The following MFHAS1 variants were observed in gnomAD, a reference collection of about 807,000 sequenced individuals.
MFHAS1 encodes the protein multifunctional ROCO family signaling regulator 1.
Under a neutral mutation model 70.4 loss-of-function variants are expected in MFHAS1, and 50 were observed. That is an observed-to-expected ratio of 0.71 (90% CI 0.57 to 0.90). The LOEUF is 0.90. MFHAS1 is among the 40% of genes least tolerant of loss of function. The pLI, the probability that MFHAS1 is intolerant of heterozygous loss-of-function variation, is 0.00. For synonymous variants in MFHAS1, 952 were observed against 620.0 expected, an observed-to-expected ratio of 1.54 and a Z score of -7.96; for missense variants, 1,795 against 1,347.6, an observed-to-expected ratio of 1.33 and a Z score of -5.20.
At chr8:8,809,427 T>A (rs1806463545) in intron 1 of MFHAS1, among the ~76,000 whole-genome samples, 1 of 151,924 alleles carries the variant, frequency 6.6e-6, no homozygotes, top group African/African-American at 2.4e-5. Context: ...AGTATGTCCT[T>A]AAGAAAATGT....
intron 1 of MFHAS1, among the ~76,000 whole-genome samples, chr8:8,867,685 G>T (rs953287474): frequency 6.6e-6 from 1 of 151,698 alleles, no homozygotes; most frequent in Non-Finnish European, 1.5e-5. Context: ...AGCCTCCCAA[G>T]TAGCTGGGAC....
At chr8:8,816,787 G>A (rs984905296) in intron 1 of MFHAS1, among the ~76,000 whole-genome samples, 1 of 152,138 alleles carries the variant, frequency 6.6e-6, no homozygotes, top group Non-Finnish European at 1.5e-5. Flanking sequence ...AACTTTGAAG[G>A]AGTAGCAATA....
chr8:8,890,388 G>T lies in MFHAS1; in HGVS notation c.2671C>A (p.Pro891Thr), dbSNP rs1240557494. ...CTGTAGCGTGCAAACAACCCAAGTG[G>T]AAAAGTAAAAGGAAAGCTATATTCA... ...QIEYSFPFTF[P>T]LGLFARYSVQ... is the part of the protein sequence containing the mutation. The change falls in exon 1 of 3, where the codon CCA (proline) becomes ACA (threonine). Residue 891 changes from proline (P) to threonine (T), a missense_variant. Physicochemically the swap from Pro to Thr is conservative, Grantham distance 38. Coordinates refer to ENST00000276282, the MANE Select transcript of MFHAS1 (RefSeq NM_004225.3). 2 of 1,614,108 alleles carry T rather than the reference G, an allele frequency of 1.2e-6. No homozygotes were observed. The highest frequency in any genetic ancestry group is 1.7e-6 in the Non-Finnish European group (2 of 1,180,046).
At chr8:8,887,943 T>C (rs1240736062) in intron 1 of MFHAS1, among the ~76,000 whole-genome samples, 1 of 152,088 alleles carries the variant, frequency 6.6e-6, no homozygotes, top group Non-Finnish European at 1.5e-5. Flanking sequence ...ATAACCTATG[T>C]CTCTCCTTTT....
Position 8,893,069 on chromosome 8 carries a change from C to A in MFHAS1, c.-11G>T, listed in dbSNP as rs1353672712. The A allele has an allele frequency of 1.8e-5, 26 of 1,473,638 alleles. No individual in the cohort carries two copies. Among genetic ancestry groups the A allele is most frequent in the East Asian group, 2.9e-5 (1 of 34,298 alleles). 91.3% of individuals were successfully genotyped at this position (1,473,638 alleles called of 1,614,324 possible). ...GTCCATCCCAGCCATGGCGGGGCCC[C>A]GGGCCGACAGCCTCACGCGGACGCG... On this transcript the variant is annotated 5_prime_UTR_variant, in exon 1 of 3. Coordinates refer to ENST00000276282, the MANE Select transcript of MFHAS1 (RefSeq NM_004225.3).
chr8:8,881,095 C>T lies in MFHAS1; in HGVS notation c.2998+8966G>A, dbSNP rs145042923. 4.2e-3 allele frequency among the ~76,000 whole-genome samples: 644 copies of T among 152,278 alleles called. 7 individuals are homozygous for T. The highest frequency in any genetic ancestry group is 0.015 in the African/African-American group (628 of 41,552). ...CTCTGCCCACATTCTTCTCCTGCTCCAACGTGCACTTTTTAGACTCTTTGC... is the reference window on the plus strand; with the variant it reads ...CTCTGCCCACATTCTTCTCCTGCTCTAACGTGCACTTTTTAGACTCTTTGC... On this transcript the variant is annotated intron_variant, in intron 1 of 2. Coordinates refer to ENST00000276282, the MANE Select transcript of MFHAS1 (RefSeq NM_004225.3).
At chr8:8,791,125 GTTT>G (rs34714915) in intron 2 of MFHAS1, among the ~76,000 whole-genome samples, 238 of 132,638 alleles carry the variant, frequency 1.8e-3, no homozygotes, top group African/African-American at 5.7e-3. Context: ...CACCCCACCC[GTTT>G]TTTTTTTTTT....
intron 1 of MFHAS1, among the ~76,000 whole-genome samples, chr8:8,820,244 T>C (rs1806903266): frequency 1.3e-5 from 2 of 151,500 alleles, no homozygotes; most frequent in Admixed American, 1.3e-4. Context: ...ACTGCTATGC[T>C]CCCCCTTCCC....
chr8:8,806,109 C>T (rs1218403415), intron 1 of MFHAS1, among the ~76,000 whole-genome samples: 1 of 152,238 alleles, frequency 6.6e-6, no homozygotes, highest in Non-Finnish European at 1.5e-5. Flanking sequence ...TGCAATTCCT[C>T]TTCCTCCTGC....
chr8:8,848,710 C>T (rs1473124081), intron 1 of MFHAS1, among the ~76,000 whole-genome samples: 3 of 152,090 alleles, frequency 2.0e-5, no homozygotes, highest in Non-Finnish European at 4.4e-5. Context: ...GATTTTGGTC[C>T]TTACATTAGG....
rs769443577 is a variant in MFHAS1, at chr8:8,890,306, G to A, written c.2753C>T (p.Ala918Val). The A allele has an allele frequency of 6.2e-7, 1 of 1,614,062 alleles. No homozygotes were observed. Among genetic ancestry groups the A allele is most frequent in the African/African-American group, 1.3e-5 (1 of 74,926 alleles). ...AACCACAGGAACTTTCCCTCTATAG[G>A]CAAAGATCTGAAATTTACCATCCGA... is the stretch of plus-strand genomic sequence containing the variant. Reference protein sequence around the residue: ...HRSDGKFQIFAYRGKVPVVVS... With the variant: ...HRSDGKFQIFVYRGKVPVVVS... Residue 918 changes from alanine (A) to valine (V), a missense_variant, in exon 1 of 3, where the codon GCC becomes GTC. Coordinates refer to ENST00000276282, the MANE Select transcript of MFHAS1 (RefSeq NM_004225.3).
chr8:8,822,841 A>G (rs897243289), intron 1 of MFHAS1, among the ~76,000 whole-genome samples: 4 of 146,058 alleles, frequency 2.7e-5, no homozygotes, highest in Non-Finnish European at 4.5e-5. Flanking sequence ...ACACAGGGAC[A>G]GGAACCAAGT....
intron 1 of MFHAS1, among the ~76,000 whole-genome samples, chr8:8,857,426 T>C (rs184263894): frequency 5.4e-4 from 82 of 152,246 alleles, no homozygotes; most frequent in Non-Finnish European, 1.1e-3. Flanking sequence ...CTTTCTTTTT[T>C]CCTCCATTCA....
intron 1 of MFHAS1, among the ~76,000 whole-genome samples, chr8:8,833,893 A>G (rs1304643179): frequency 6.6e-6 from 1 of 152,202 alleles, no homozygotes; most frequent in Non-Finnish European, 1.5e-5. Flanking sequence ...TGGGAAGCTG[A>G]GGTGGGCGGA....
intron 1 of MFHAS1, among the ~76,000 whole-genome samples, chr8:8,812,513 T>G (rs1806586738): frequency 6.6e-6 from 1 of 152,150 alleles, no homozygotes; most frequent in African/African-American, 2.4e-5. Context: ...AGGGCTTGCC[T>G]CCTTCATTTC....
chr8:8,870,808 C>G (rs1181956992), intron 1 of MFHAS1, among the ~76,000 whole-genome samples: 1 of 152,256 alleles, frequency 6.6e-6, no homozygotes, highest in Non-Finnish European at 1.5e-5. Flanking sequence ...TGCTCCCCTC[C>G]CATGCCCCAT....
At chr8:8,866,620 T>G (rs1808868152) in intron 1 of MFHAS1, among the ~76,000 whole-genome samples, 1 of 152,156 alleles carries the variant, frequency 6.6e-6, no homozygotes, top group African/African-American at 2.4e-5. Flanking sequence ...AGTCAGCCAG[T>G]AAGGATCACT....
In MFHAS1 at chr8:8,893,030, T is replaced by C; in HGVS notation, c.29A>G (p.Lys10Arg). The C allele has an allele frequency of 6.5e-7, 1 of 1,533,422 alleles. No individual in the cohort carries two copies. The allele number at this position is 1,533,422 out of a possible 1,614,324, so 95.0% of individuals were successfully genotyped here. A position where few individuals can be genotyped will look rare whatever the true frequency, so the allele number is the denominator to read the frequency against. The change falls in exon 1 of 3, where the codon AAG (lysine) becomes AGG (arginine). Residue 10 changes from lysine (K) to arginine (R), a missense_variant. Transcript: ENST00000276282. Reference protein sequence around the residue: MAGMDSGNLKTARLWRDAAL... With the variant: MAGMDSGNLRTARLWRDAAL... ...GGCGTCCCGCCACAGCCTCGCGGTCTTCAGGTTGCCACTGTCCATCCCAGC... is the reference window on the plus strand; with the variant it reads ...GGCGTCCCGCCACAGCCTCGCGGTCCTCAGGTTGCCACTGTCCATCCCAGC...
intron 2 of MFHAS1, among the ~76,000 whole-genome samples, chr8:8,791,759 A>G (rs1222013795): frequency 6.6e-6 from 1 of 152,198 alleles, no homozygotes. Context: ...GTCAAGGCTC[A>G]GTACCCCTGA....
Sources: gnomAD v4.1 joint callset for allele counts (sites outside exome capture counted in the v4.1 genomes callset) on GRCh38, gnomAD v4.1.1 for gene constraint, MANE v1.5 for transcripts, NCBI Gene and HGNC (gene_info 2026-07-23, HGNC 2026-07-21) for gene names.